Variants in GABRG3 observed in about 807,000 individuals in gnomAD.
GABRG3 encodes the protein gamma-aminobutyric acid receptor subunit gamma-3.
Under a neutral mutation model 48.8 loss-of-function variants are expected in GABRG3, and 25 were observed. The observed-to-expected ratio is 0.51, with a 90% CI of 0.37 to 0.72. The LOEUF (loss-of-function observed/expected upper bound fraction) is 0.72, where lower values mean the gene tolerates loss of function less well. Among genes scored for constraint, GABRG3 ranks in the 30% least tolerant of loss-of-function variants. GABRG3 has a pLI of 0.00. For missense variants in GABRG3, 394 were observed against 577.9 expected (o/e 0.68, Z 3.26); for synonymous variants, 227 against 217.6 (o/e 1.04, Z -0.38).
intron 3 of GABRG3, among the ~76,000 whole-genome samples, chr15:27,178,916 G>A (rs1187221348): frequency 3.9e-5 from 6 of 152,160 alleles, no homozygotes; most frequent in South Asian, 4.1e-4. Flanking sequence ...GGAGTGGTAC[G>A]TAATACTTTT....
intron 3 of GABRG3, among the ~76,000 whole-genome samples, chr15:27,227,162 A>G (rs1252355935): frequency 2.6e-5 from 4 of 152,230 alleles, no homozygotes; most frequent in Non-Finnish European, 4.4e-5. Flanking sequence ...AACAGAAATT[A>G]GAACATGTAG....
At chr15:27,014,351 T>A (rs1486150891) in intron 2 of GABRG3, among the ~76,000 whole-genome samples, 1 of 151,806 alleles carries the variant, frequency 6.6e-6, no homozygotes, top group East Asian at 1.9e-4. Flanking sequence ...CTTTATTTTT[T>A]TTTTTTTAGT....
intron 2 of GABRG3, among the ~76,000 whole-genome samples, chr15:27,025,226 T>C (rs1895964808): frequency 1.3e-5 from 2 of 152,096 alleles, no homozygotes; most frequent in African/African-American, 4.8e-5. Context: ...TTTAATGATA[T>C]ACAAATCTCT....
chr15:27,460,303 C>A (rs1193782472), intron 5 of GABRG3, among the ~76,000 whole-genome samples: 1 of 152,212 alleles, frequency 6.6e-6, no homozygotes, highest in Non-Finnish European at 1.5e-5. Flanking sequence ...TCATGCCACC[C>A]GTGTCCCTGC....
At chr15:27,113,595 T>C (rs896719282) in intron 3 of GABRG3, among the ~76,000 whole-genome samples, 1 of 152,206 alleles carries the variant, frequency 6.6e-6, no homozygotes. Flanking sequence ...ATTATACATT[T>C]ACAGCAGAGT....
In GABRG3 at chr15:27,352,002, A is replaced by C. The variant is rs1244852169; in HGVS notation, c.574+23114A>C. Among the ~76,000 whole-genome samples, 2 of 142,560 alleles carry C rather than the reference A, an allele frequency of 1.4e-5. No homozygotes were observed. The highest frequency in any genetic ancestry group is 5.3e-5 in the African/African-American group (2 of 37,682). 93.5% of individuals were successfully genotyped at this position (142,560 alleles called of 152,430 possible). On this transcript the variant is annotated intron_variant, in intron 5 of 9. Transcript: ENST00000615808. This position sits in a 1 kb window ranked among gnomAD's most constrained non-coding sequence, Gnocchi z 4.0. ...GTGTGTGTATGGTGTGTGTGTGTAT[A>C]TATGATGTGTGGGTTTATGGTGTAT... is the stretch of plus-strand genomic sequence containing the variant.
rs532041546 is a variant in GABRG3, at chr15:27,435,947, T to A, written c.575-44703T>A. The stretch of plus-strand genomic sequence containing the variant: ...GCACAGGGTCAGGGAGAGGCCAGAG[T>A]GGTGTTACCAGTACCAGGTGATGGG... On this transcript the variant is annotated intron_variant, in intron 5 of 9. Coordinates refer to ENST00000615808, the MANE Select transcript of GABRG3 (RefSeq NM_033223.5). Among the ~76,000 whole-genome samples, 3 of 152,132 alleles carry A rather than the reference T, an allele frequency of 2.0e-5. No homozygotes were observed. The South Asian group carries it at 6.2e-4, about 32-fold the overall frequency.
chr15:27,176,772 A>G (rs1887759580), intron 3 of GABRG3, among the ~76,000 whole-genome samples: 2 of 152,150 alleles, frequency 1.3e-5, no homozygotes, highest in Admixed American at 1.3e-4. Context: ...GGAAGTATCT[A>G]GAGTCAAAAA....
chr15:27,038,246 G>A (rs1896212627), intron 3 of GABRG3, among the ~76,000 whole-genome samples: 1 of 152,176 alleles, frequency 6.6e-6, no homozygotes, highest in Admixed American at 6.5e-5. Flanking sequence ...GTGCTGGCAG[G>A]TGCAGCGTAT....
intron 3 of GABRG3, among the ~76,000 whole-genome samples, chr15:27,214,074 C>T (rs1488394299): frequency 1.3e-5 from 2 of 152,196 alleles, no homozygotes; most frequent in Non-Finnish European, 2.9e-5. Context: ...GAGTCTCAGT[C>T]TTGCTAACTG....
At chr15:27,215,326 C>A (rs977277162) in intron 3 of GABRG3, among the ~76,000 whole-genome samples, 1 of 152,122 alleles carries the variant, frequency 6.6e-6, no homozygotes, top group Non-Finnish European at 1.5e-5. Flanking sequence ...GACTTTGCTG[C>A]CCTCAAAAAC....
chr15:27,298,080 A>G (rs936433236), intron 3 of GABRG3, among the ~76,000 whole-genome samples: 4 of 152,140 alleles, frequency 2.6e-5, no homozygotes, highest in African/African-American at 9.7e-5. Context: ...AAACATACGA[A>G]TGATGTAAAA....
chr15:27,055,993 C>T (rs1332683197), intron 3 of GABRG3, among the ~76,000 whole-genome samples: 4 of 152,106 alleles, frequency 2.6e-5, no homozygotes, highest in African/African-American at 9.7e-5. Context: ...CAGTGATCAA[C>T]TCAAGGTAAT....
chr15:27,018,664 C>T (rs1375708753), intron 2 of GABRG3, among the ~76,000 whole-genome samples: 1 of 152,098 alleles, frequency 6.6e-6, no homozygotes, highest in Admixed American at 6.6e-5. Context: ...AGGGTCTGAG[C>T]CAAGTAAATT....
chr15:27,094,966 T>TATCTGTGTC (rs747347268), intron 3 of GABRG3, among the ~76,000 whole-genome samples: 1 of 152,152 alleles, frequency 6.6e-6, no homozygotes, highest in Non-Finnish European at 1.5e-5. Flanking sequence ...GACACATAAT[T>TATCTGTGTC]ATCTGTGTCT....
chr15:27,441,008 G>A (rs957297839), intron 5 of GABRG3, among the ~76,000 whole-genome samples: 2 of 152,120 alleles, frequency 1.3e-5, no homozygotes, highest in East Asian at 1.9e-4. Context: ...TCCACAGTCT[G>A]TTTCAGTTCA....
chr15:27,460,045 C>T (rs1260082683), intron 5 of GABRG3, among the ~76,000 whole-genome samples: 2 of 152,060 alleles, frequency 1.3e-5, no homozygotes, highest in Admixed American at 1.3e-4. Flanking sequence ...TGTCATTACT[C>T]GAAGGCCATG....
At chr15:27,249,544 G>T (rs987619525) in intron 3 of GABRG3, among the ~76,000 whole-genome samples, 3 of 152,176 alleles carry the variant, frequency 2.0e-5, no homozygotes, top group Non-Finnish European at 4.4e-5. Flanking sequence ...GCTTCATAAG[G>T]TTCTGTGCTC....
At chr15:27,424,898 C>T (rs894084670) in intron 5 of GABRG3, among the ~76,000 whole-genome samples, 8 of 152,076 alleles carry the variant, frequency 5.3e-5, no homozygotes, top group African/African-American at 2.4e-5. Flanking sequence ...TACATTTCAG[C>T]GTATGAACTA....
Sources: gnomAD v4.1 joint callset for allele counts (sites outside exome capture counted in the v4.1 genomes callset) on GRCh38, gnomAD v4.1.1 for gene constraint, Gnocchi (gnomAD v3.1) non-coding constraint, MANE v1.5 for transcripts, NCBI Gene and HGNC (gene_info 2026-07-23, HGNC 2026-07-21) for gene names.